The following MCC variants were observed in gnomAD, a reference collection of about 807,000 sequenced individuals.
MCC encodes MCC regulator of Wnt signaling pathway, also known as colorectal mutant cancer protein.
A neutral mutation model predicts 116.2 loss-of-function variants in MCC; 90 were observed. The observed-to-expected ratio is 0.77, with a 90% confidence interval of 0.65 to 0.92. The LOEUF (loss-of-function observed/expected upper bound fraction) is 0.92. Among genes scored for constraint, MCC ranks in the 40% least tolerant of loss-of-function variants. The pLI is 0.00. For missense variants in MCC, 1,516 were observed against 1,312.2 expected, an observed-to-expected ratio of 1.16 and a Z score of -2.40; for synonymous variants, 578 against 510.5, an observed-to-expected ratio of 1.13 and a Z score of -1.78.
chr5:113,175,477 C>A (rs1268405825), intron 3 of MCC, among the ~76,000 whole-genome samples: 1 of 152,168 alleles, frequency 6.6e-6, no homozygotes, highest in Non-Finnish European at 1.5e-5. Context: ...TAGCTATTCA[C>A]AGAGTGGCAC....
intron 3 of MCC, among the ~76,000 whole-genome samples, chr5:113,258,376 T>A (rs1318207471): frequency 6.6e-6 from 1 of 152,210 alleles, no homozygotes; most frequent in Admixed American, 6.5e-5. Context: ...TGGACCAGAC[T>A]GGTACTGGTC....
At chr5:113,269,299 T>G in intron 3 of MCC, 1 of 543,320 alleles carries the variant, frequency 1.8e-6, no homozygotes, top group South Asian at 7.7e-5. Context: ...CAATGAACTC[T>G]TTTTCAATGA....
intron 3 of MCC, among the ~76,000 whole-genome samples, chr5:113,290,448 T>C (rs11740045): frequency 6.6e-6 from 1 of 152,060 alleles, no homozygotes; most frequent in Non-Finnish European, 1.5e-5. Context: ...ATGATTGCCA[T>C]GGGAGAAATT....
At chr5:113,029,103 C>T in intron 17 of MCC, 47 bp from the exon 18 acceptor site, 2 of 1,556,292 alleles carry the variant, frequency 1.3e-6, no homozygotes, top group Non-Finnish European at 8.7e-7. Flanking sequence ...TGAGATGATG[C>T]TGGAGGTGCC....
intron 1 of MCC, among the ~76,000 whole-genome samples, chr5:113,401,581 C>G (rs1769687715): frequency 6.6e-6 from 1 of 152,118 alleles, no homozygotes; most frequent in Admixed American, 6.5e-5. Context: ...ATCATTTGAA[C>G]CTGTATGTCT....
At position 113,067,966 on chromosome 5, in the gene MCC, G is replaced by C. The variant is rs569481067; in HGVS notation, c.2029+114C>G. ...ATGAGGAAAAACGAAAAACACACTT[G>C]ACAACCAAATTTTGTGTTGTCGGGA... is the stretch of plus-strand genomic sequence containing the variant. On this transcript the variant is annotated intron_variant, in intron 13 of 18. Coordinates refer to ENST00000408903, the MANE Select transcript of MCC (RefSeq NM_001085377.2). The C allele has an allele frequency of 4.1e-5, 37 of 893,692 alleles. No individual in the cohort carries two copies. In the African/African-American group the frequency reaches 6.1e-4, roughly 15 times the overall value. The allele number at this position is 893,692 out of a possible 1,614,324, so 55.4% of individuals were successfully genotyped here. A position where few individuals can be genotyped will look rare whatever the true frequency, so the allele number is the denominator to read the frequency against.
chr5:113,261,921 ACAT>A (rs956206390), intron 3 of MCC, among the ~76,000 whole-genome samples: 1 of 152,194 alleles, frequency 6.6e-6, no homozygotes, highest in African/African-American at 2.4e-5. Context: ...ATTTTCATTA[ACAT>A]GACTGCAGTA....
chr5:113,246,573 C>G (rs1368524532), intron 3 of MCC, among the ~76,000 whole-genome samples: 1 of 152,156 alleles, frequency 6.6e-6, no homozygotes, highest in Non-Finnish European at 1.5e-5. Flanking sequence ...AAAGCAGCAG[C>G]GAATCCTATT....
intron 11 of MCC, among the ~76,000 whole-genome samples, chr5:113,082,289 A>G (rs1754915487): frequency 6.6e-6 from 1 of 152,274 alleles, no homozygotes; most frequent in Non-Finnish European, 1.5e-5. Context: ...TGCGAAGAAC[A>G]TAAATAAAAC....
rs537444773 is a variant in MCC at position 113,398,095 on chromosome 5, A to G, written c.171-12883T>C. On this transcript the variant is annotated intron_variant, in intron 1 of 18. Coordinates refer to ENST00000408903, the MANE Select transcript of MCC (RefSeq NM_001085377.2). ...CAAACATGAAAAAATGCTCAACATC[A>G]CTAATCATCAGAGAAATGCAAATCA... Among the ~76,000 whole-genome samples the G allele has an allele frequency of 4.6e-5, 7 of 152,368 alleles. No homozygotes were observed. In the East Asian group the frequency reaches 1.3e-3, roughly 29 times the overall value.
At chr5:113,058,956 C>G (rs1182540052) in intron 14 of MCC, among the ~76,000 whole-genome samples, 1 of 152,158 alleles carries the variant, frequency 6.6e-6, no homozygotes, top group Non-Finnish European at 1.5e-5. Context: ...ATCCCTCCAT[C>G]CCAGGGAGAA....
At chr5:113,250,105 C>G (rs1764738658) in intron 3 of MCC, among the ~76,000 whole-genome samples, 1 of 152,216 alleles carries the variant, frequency 6.6e-6, no homozygotes, top group Admixed American at 6.5e-5. Context: ...GCCAGCTTTG[C>G]TTCCCATAGT....
chr5:113,265,330 T>C (rs569542236), intron 3 of MCC, among the ~76,000 whole-genome samples: 1 of 152,240 alleles, frequency 6.6e-6, no homozygotes, highest in East Asian at 1.9e-4. Flanking sequence ...CAACCTGGTA[T>C]CTAACAAATG....
intron 1 of MCC, among the ~76,000 whole-genome samples, chr5:113,429,922 A>C (rs140324272): frequency 1.3e-5 from 2 of 152,344 alleles, no homozygotes; most frequent in East Asian, 1.9e-4. Flanking sequence ...GAAAACACTG[A>C]AACCTAATCA....
At chr5:113,443,245 TTC>T (rs1349438924) in intron 1 of MCC, among the ~76,000 whole-genome samples, 4 of 152,206 alleles carry the variant, frequency 2.6e-5, no homozygotes, top group Admixed American at 1.3e-4. Context: ...AGGTATTTTA[TTC>T]TCTTAGTAGC....
intron 3 of MCC, among the ~76,000 whole-genome samples, chr5:113,249,005 G>A (rs1482575255): frequency 1.3e-5 from 2 of 152,036 alleles, no homozygotes; most frequent in East Asian, 3.9e-4. Flanking sequence ...CACCATGCCT[G>A]GCTAATTTTT....
At chr5:113,078,727 C>T (rs1754633633) in intron 11 of MCC, among the ~76,000 whole-genome samples, 2 of 152,212 alleles carry the variant, frequency 1.3e-5, no homozygotes, top group African/African-American at 2.4e-5. Context: ...AAACTGGAAG[C>T]ATTCCCTTTG....
At chr5:113,101,272 GTC>G (rs1461557350) in intron 8 of MCC, among the ~76,000 whole-genome samples, 4 of 151,928 alleles carry the variant, frequency 2.6e-5, no homozygotes, top group African/African-American at 7.2e-5. Context: ...ACTTCAGTAA[GTC>G]TGCACCAGGA....
intron 3 of MCC, among the ~76,000 whole-genome samples, chr5:113,314,309 G>C (rs868609872): frequency 6.6e-6 from 1 of 152,300 alleles, no homozygotes; most frequent in South Asian, 2.1e-4. Context: ...ATTACAATTT[G>C]GATGGACTTG....
Sources: allele counts gnomAD v4.1 joint callset (sites outside exome capture counted in the v4.1 genomes callset), GRCh38; gene constraint gnomAD v4.1.1; transcripts MANE v1.5; gene names NCBI Gene and HGNC (gene_info 2026-07-23, HGNC 2026-07-21).